Variants in ELAVL2 observed in about 807,000 individuals in gnomAD.
The protein encoded by ELAVL2 is ELAV like RNA binding protein 2.
ELAVL2 carries 4 observed loss-of-function variants against 34.6 expected under a neutral mutation model. The observed-to-expected ratio is 0.12, with a 90% CI of 0.06 to 0.26. ELAVL2 has a LOEUF of 0.26. Among genes scored for constraint, ELAVL2 ranks in the 10% least tolerant of loss-of-function variants. The pLI is 1.00. For missense variants in ELAVL2, 432 were observed against 442.8 expected, an observed-to-expected ratio of 0.98 and a Z score of 0.22; for synonymous variants, 193 against 154.8, an observed-to-expected ratio of 1.25 and a Z score of -1.83.
intron 1 of ELAVL2, chr9:23,821,696 AGGCGGTGGC>A (rs1003995690): frequency 6.6e-6 from 1 of 152,170 alleles, no homozygotes; most frequent in African/African-American, 2.4e-5. Flanking sequence ...CTCCGCGGAG[AGGCGGTGGC>A]GGCGGCGGCG....
At chr9:23,736,470 G>C (rs934390291) in intron 2 of ELAVL2, among the ~76,000 whole-genome samples, 3 of 152,130 alleles carry the variant, frequency 2.0e-5, no homozygotes, top group Non-Finnish European at 4.4e-5. Context: ...AAAGCAGCAG[G>C]GGGTGAGAGT....
At chr9:23,767,953 G>A (rs1054953478) in intron 1 of ELAVL2, among the ~76,000 whole-genome samples, 3 of 152,074 alleles carry the variant, frequency 2.0e-5, no homozygotes, top group African/African-American at 2.4e-5. Context: ...AATGACCCCT[G>A]GTGAGGCTGC....
chr9:23,776,790 A>AGG (rs879936127), intron 1 of ELAVL2, among the ~76,000 whole-genome samples: 4,363 of 151,944 alleles, frequency 0.029, 80 homozygotes, highest in East Asian at 0.072. Flanking sequence ...TGCTATGGAA[A>AGG]CTACCACTTC....
intron 1 of ELAVL2, among the ~76,000 whole-genome samples, chr9:23,781,850 A>T (rs942710060): frequency 2.6e-5 from 4 of 151,912 alleles, no homozygotes; most frequent in Non-Finnish European, 4.4e-5. Flanking sequence ...ACGCCCGGCT[A>T]ATTTTTTGTA....
At chr9:23,789,179 T>A (rs2060053080) in intron 1 of ELAVL2, among the ~76,000 whole-genome samples, 2 of 152,042 alleles carry the variant, frequency 1.3e-5, no homozygotes, top group Non-Finnish European at 2.9e-5. Flanking sequence ...TTCCTATTAG[T>A]CCCTATATAG....
chr9:23,755,818 C>A (rs1231116200), intron 2 of ELAVL2, among the ~76,000 whole-genome samples: 1 of 152,078 alleles, frequency 6.6e-6, no homozygotes, highest in South Asian at 2.1e-4. Context: ...AAGTTACCAC[C>A]CACCCAACCA....
At chr9:23,774,851 A>G (rs2057940575) in intron 1 of ELAVL2, among the ~76,000 whole-genome samples, 1 of 151,104 alleles carries the variant, frequency 6.6e-6, no homozygotes, top group Non-Finnish European at 1.5e-5. Context: ...AATCTAATCC[A>G]CGATTATACC....
Position 23,810,188 on chromosome 9 carries a change from G to A in ELAVL2, c.-16+15618C>T, listed in dbSNP as rs942397449. Among the ~76,000 whole-genome samples the A allele has an allele frequency of 2.0e-5, 3 of 151,996 alleles. No individual in the cohort carries two copies. In the East Asian group the frequency reaches 5.8e-4, roughly 29 times the overall value. ...CAGTGTCTTCATTTCCTTGCTTACAGAAAATAACCAATCCATACTTTGTAT... is the reference window on the plus strand; with the variant it reads ...CAGTGTCTTCATTTCCTTGCTTACAAAAAATAACCAATCCATACTTTGTAT... On this transcript the variant is annotated intron_variant, in intron 1 of 6. Transcript: ENST00000397312.
At chr9:23,726,694 T>A (rs1005568588) in intron 3 of ELAVL2, among the ~76,000 whole-genome samples, 1 of 152,138 alleles carries the variant, frequency 6.6e-6, no homozygotes, top group Admixed American at 6.6e-5. Flanking sequence ...GGAGGAAGTC[T>A]ACACATATTC....
chr9:23,782,494 T>C (rs977855258), intron 1 of ELAVL2, among the ~76,000 whole-genome samples: 2 of 151,886 alleles, frequency 1.3e-5, no homozygotes, highest in African/African-American at 4.8e-5. Flanking sequence ...ATCACTTGAA[T>C]CTGGGAGGCA....
intron 1 of ELAVL2, among the ~76,000 whole-genome samples, chr9:23,782,499 G>A (rs2059194963): frequency 6.6e-6 from 1 of 152,116 alleles, no homozygotes; most frequent in Non-Finnish European, 1.5e-5. Flanking sequence ...TTGAATCTGG[G>A]AGGCAGAGGT....
chr9:23,770,518 G>A (rs750723023), intron 1 of ELAVL2, among the ~76,000 whole-genome samples: 4 of 152,190 alleles, frequency 2.6e-5, no homozygotes, highest in Non-Finnish European at 5.9e-5. Flanking sequence ...TGGGCCTAAG[G>A]TAATTACAAG....
At chr9:23,754,624 G>A (rs944852037) in intron 2 of ELAVL2, among the ~76,000 whole-genome samples, 4 of 151,868 alleles carry the variant, frequency 2.6e-5, no homozygotes, top group Non-Finnish European at 5.9e-5. Flanking sequence ...ACCACACCTG[G>A]CTAATTTTTC....
rs62541664 is a variant in ELAVL2 at position 23,770,874 on chromosome 9, G to T, written c.-15-8625C>A. ...CCCCATGGAGATATCTAGAAGAAAA[G>T]ATTCTAGGCAGAGACCTGCCAGTGC... On this transcript the variant is annotated intron_variant, in intron 1 of 6. Transcript: ENST00000397312. Among the ~76,000 whole-genome samples, 184 of 152,286 alleles carry T rather than the reference G, an allele frequency of 1.2e-3. 1 individual carries two copies. The highest frequency in any genetic ancestry group is 2.4e-3 in the Non-Finnish European group (160 of 68,020).
intron 2 of ELAVL2, among the ~76,000 whole-genome samples, chr9:23,758,044 C>T (rs961589232): frequency 6.6e-6 from 1 of 152,082 alleles, no homozygotes; most frequent in Middle Eastern, 3.2e-3. Flanking sequence ...CCAGAGTTTT[C>T]CTGTAACCCA....
upstream of ELAVL2, among the ~76,000 whole-genome samples, chr9:23,827,632 T>C (rs1288866533): frequency 6.6e-6 from 1 of 152,124 alleles, no homozygotes; most frequent in Non-Finnish European, 1.5e-5. Context: ...TATTTACAAC[T>C]AGTCGCTATC....
At chr9:23,739,833 C>G (rs373886031) in intron 2 of ELAVL2, among the ~76,000 whole-genome samples, 1 of 152,014 alleles carries the variant, frequency 6.6e-6, no homozygotes, top group Admixed American at 6.6e-5. Flanking sequence ...CATCAAGAGG[C>G]AGTACAGCTT....
At chr9:23,838,257 C>T in the ELAVL2 span, among the ~76,000 whole-genome samples, 1 of 151,750 alleles carries the variant, frequency 6.6e-6, no homozygotes, top group African/African-American at 2.4e-5. Context: ...TTTGAGCACG[C>T]ATTCTTTTTC....
At chr9:23,791,805 G>C (rs1010811150) in intron 1 of ELAVL2, among the ~76,000 whole-genome samples, 1 of 152,126 alleles carries the variant, frequency 6.6e-6, no homozygotes, top group Non-Finnish European at 1.5e-5. Flanking sequence ...TGGTCTTCCA[G>C]CCTCCAGAAC....
Sources: gnomAD v4.1 joint callset for allele counts (sites outside exome capture counted in the v4.1 genomes callset) on GRCh38, gnomAD v4.1.1 for gene constraint, MANE v1.5 for transcripts, NCBI Gene and HGNC (gene_info 2026-07-23, HGNC 2026-07-21) for gene names.